LYPLAL1: variants seen among roughly 807,000 people sequenced by gnomAD.
LYPLAL1 encodes lysophospholipase like 1, also known as lysophospholipase-like protein 1.
In LYPLAL1, 23 loss-of-function variants were observed where a neutral mutation model predicts 19.7. That is an observed-to-expected ratio of 1.17 (90% CI 0.84 to 1.65). LYPLAL1 has a LOEUF of 1.65. Ranked by LOEUF, LYPLAL1 falls within the 40% of genes most tolerant of loss-of-function variation. The pLI is 0.00. For synonymous variants in LYPLAL1, 119 were observed against 96.3 expected, an observed-to-expected ratio of 1.24 and a Z score of -1.38; for missense variants, 355 against 279.4, an observed-to-expected ratio of 1.27 and a Z score of -1.93.
the LYPLAL1 span, among the ~76,000 whole-genome samples, chr1:219,342,370 C>G: frequency 6.6e-5 from 10 of 152,184 alleles, no homozygotes; most frequent in African/African-American, 2.4e-4. Context: ...ATTTGGGACC[C>G]CCTTAGCTCA....
rs1354669346 is a variant in LYPLAL1, at chr1:219,211,547, C to T, written c.533C>T (p.Ala178Val). 1 of 1,613,156 alleles carries T rather than the reference C, an allele frequency of 6.2e-7. No individual in the cohort carries two copies. The highest frequency in any genetic ancestry group is 2.2e-5 in the East Asian group (1 of 44,836). ...LPELFQCHGT[A>V]DELVLHSWAE... ...GAATTATTTCAGTGTCATGGTACTG[C>T]AGATGAGTTAGTTCTTCATTCTTGG... Residue 178 changes from alanine (A) to valine (V), a missense_variant, in exon 5 of 5, where the codon GCA becomes GTA. Coordinates refer to ENST00000366928, the MANE Select transcript of LYPLAL1 (RefSeq NM_138794.5).
the LYPLAL1 span, among the ~76,000 whole-genome samples, chr1:219,419,580 C>CAGAGAGAGAG: frequency 8.3e-6 from 1 of 120,136 alleles, no homozygotes; most frequent in African/African-American, 3.3e-5. Context: ...CACACACACA[C>CAGAGAGAGAG]ACACACACAC....
the LYPLAL1 span, among the ~76,000 whole-genome samples, chr1:219,350,542 G>A: frequency 6.6e-6 from 1 of 152,122 alleles, no homozygotes; most frequent in Admixed American, 6.5e-5. Flanking sequence ...CATTTCACTG[G>A]GTTCAGGGAA....
the LYPLAL1 span, among the ~76,000 whole-genome samples, chr1:219,423,274 G>T: frequency 2.0e-5 from 3 of 152,072 alleles, no homozygotes; most frequent in South Asian, 2.1e-4. Context: ...TCTACTGGCC[G>T]ATATCTCCAC....
the LYPLAL1 span, among the ~76,000 whole-genome samples, chr1:219,236,278 A>G: frequency 6.6e-6 from 1 of 152,208 alleles, no homozygotes; most frequent in Admixed American, 6.5e-5. Context: ...TTCAACAGTT[A>G]TCACACTTTG....
the LYPLAL1 span, among the ~76,000 whole-genome samples, chr1:219,296,818 G>A: frequency 6.6e-6 from 1 of 152,112 alleles, no homozygotes; most frequent in East Asian, 1.9e-4. Context: ...AACCATGTTA[G>A]GGACTGTTCC....
At chr1:219,439,959 C>CTATATATATATATATATATA in the LYPLAL1 span, among the ~76,000 whole-genome samples, 33 of 131,614 alleles carry the variant, frequency 2.5e-4, no homozygotes, top group African/African-American at 9.7e-4. Context: ...ACAAAACTGA[C>CTATATATATATATATATATA]TATATATATA....
the LYPLAL1 span, among the ~76,000 whole-genome samples, chr1:219,377,896 G>A: frequency 1.3e-5 from 2 of 152,328 alleles, no homozygotes; most frequent in East Asian, 1.9e-4. Flanking sequence ...GGGCCAGAGA[G>A]TAAATATTGT....
the LYPLAL1 span, among the ~76,000 whole-genome samples, chr1:219,438,830 T>C: frequency 6.6e-6 from 1 of 152,200 alleles, no homozygotes; most frequent in East Asian, 1.9e-4. Context: ...AGGCCACTGT[T>C]GATAACATAT....
chr1:219,332,913 G>T, the LYPLAL1 span, among the ~76,000 whole-genome samples: 3 of 150,238 alleles, frequency 2.0e-5, no homozygotes, highest in Admixed American at 1.4e-4. Context: ...CAAGCTGTTG[G>T]CAGAATTCAG....
the LYPLAL1 span, among the ~76,000 whole-genome samples, chr1:219,239,082 C>G: frequency 6.6e-6 from 1 of 152,066 alleles, no homozygotes; most frequent in African/African-American, 2.4e-5. Flanking sequence ...TGTCATAACC[C>G]CCCTCCTATC....
the LYPLAL1 span, among the ~76,000 whole-genome samples, chr1:219,393,297 C>G: frequency 2.0e-5 from 3 of 152,162 alleles, no homozygotes; most frequent in Non-Finnish European, 2.9e-5. Context: ...TGTCTTTGGC[C>G]CAGCTCTATC....
At chr1:219,346,614 G>A in the LYPLAL1 span, among the ~76,000 whole-genome samples, 5 of 152,122 alleles carry the variant, frequency 3.3e-5, no homozygotes, top group Non-Finnish European at 7.4e-5. Context: ...GCAGAGAGAC[G>A]CTGTGTTGAA....
intron 3 of LYPLAL1, among the ~76,000 whole-genome samples, chr1:219,204,067 G>T (rs4846537): frequency 0.72 from 110,208 of 152,012 alleles, 40,816 homozygotes; most frequent in East Asian, 0.92. Flanking sequence ...TCATTACAGG[G>T]GATGTTCAGT....
At chr1:219,228,910 C>T in the LYPLAL1 span, among the ~76,000 whole-genome samples, 4 of 151,968 alleles carry the variant, frequency 2.6e-5, no homozygotes, top group African/African-American at 9.7e-5. Context: ...AACTCCCGAC[C>T]TCAGGTGATC....
chr1:219,249,384 C>A, the LYPLAL1 span, among the ~76,000 whole-genome samples: 19 of 152,116 alleles, frequency 1.2e-4, no homozygotes, highest in African/African-American at 4.6e-4. Context: ...ATGTAATTCA[C>A]TCCTGTGTAA....
At chr1:219,379,031 G>A in the LYPLAL1 span, among the ~76,000 whole-genome samples, 2 of 152,120 alleles carry the variant, frequency 1.3e-5, no homozygotes, top group African/African-American at 2.4e-5. Context: ...TAGCAACATA[G>A]AATATATTTC....
chr1:219,225,917 C>A, the LYPLAL1 span, among the ~76,000 whole-genome samples: 2 of 152,186 alleles, frequency 1.3e-5, no homozygotes, highest in African/African-American at 4.8e-5. Flanking sequence ...CGTGCCAAAC[C>A]TTTTCATGAC....
the LYPLAL1 span, among the ~76,000 whole-genome samples, chr1:219,224,261 T>C: frequency 2.0e-5 from 3 of 152,204 alleles, no homozygotes; most frequent in Non-Finnish European, 4.4e-5. Context: ...TATGACTCTT[T>C]TAAAATATTT....
Sources: gnomAD v4.1 joint callset for allele counts (sites outside exome capture counted in the v4.1 genomes callset) on GRCh38, gnomAD v4.1.1 for gene constraint, MANE v1.5 for transcripts, NCBI Gene and HGNC (gene_info 2026-07-23, HGNC 2026-07-21) for gene names.